The following EXOC6 variants were observed in gnomAD, a reference collection of about 807,000 sequenced individuals.
EXOC6 encodes SEC15-like 1.
In EXOC6, 60 loss-of-function variants were observed where a neutral mutation model predicts 112.5. The ratio of observed to expected loss-of-function variants is 0.53; its 90% CI spans 0.43 to 0.66. The LOEUF is 0.66. Ranked by LOEUF, EXOC6 falls within the 30% of genes least tolerant of loss-of-function variation. The pLI is 0.00. For missense variants in EXOC6, 855 were observed against 957.1 expected, an observed-to-expected ratio of 0.89 and a Z score of 1.41; for synonymous variants, 295 against 308.0, an observed-to-expected ratio of 0.96 and a Z score of 0.44.
chr10:92,943,676 A>G (rs546062115), intron 13 of EXOC6, among the ~76,000 whole-genome samples: 11 of 152,044 alleles, frequency 7.2e-5, no homozygotes, highest in Non-Finnish European at 1.6e-4. Flanking sequence ...TGATTAAATC[A>G]AGCAAATTAA....
At chr10:92,874,889 A>G (rs1422215599) in intron 1 of EXOC6, among the ~76,000 whole-genome samples, 2 of 152,168 alleles carry the variant, frequency 1.3e-5, no homozygotes, top group African/African-American at 4.8e-5. Context: ...TGTTAGGCAC[A>G]TACCTGACTA....
chr10:93,035,224 C>A (rs1206781074), intron 20 of EXOC6, among the ~76,000 whole-genome samples: 1 of 152,080 alleles, frequency 6.6e-6, no homozygotes, highest in Non-Finnish European at 1.5e-5. Context: ...TGTCATAATT[C>A]CGGAAGTTTA....
At chr10:92,918,704 GT>G (rs1218630157) in intron 7 of EXOC6, among the ~76,000 whole-genome samples, 3 of 152,248 alleles carry the variant, frequency 2.0e-5, no homozygotes, top group Non-Finnish European at 2.9e-5. Context: ...GATTGTAGGC[GT>G]GAGCCACCAC....
intron 1 of EXOC6, among the ~76,000 whole-genome samples, chr10:92,852,795 G>A (rs908992739): frequency 2.0e-5 from 3 of 152,118 alleles, no homozygotes; most frequent in Admixed American, 2.0e-4. Flanking sequence ...TGAAAATCTA[G>A]AGCTAAATTG....
intron 1 of EXOC6, among the ~76,000 whole-genome samples, chr10:92,863,071 T>C (rs144603010): frequency 6.6e-6 from 1 of 152,336 alleles, no homozygotes; most frequent in African/African-American, 2.4e-5. Flanking sequence ...AAACTATCTG[T>C]AGATGATGGA....
chr10:92,840,411 T>C (rs990985411), intron 1 of EXOC6, among the ~76,000 whole-genome samples: 5 of 152,178 alleles, frequency 3.3e-5, no homozygotes, highest in African/African-American at 1.2e-4. Flanking sequence ...ATAATTAGTG[T>C]CTATAGGGTG....
At chr10:92,977,484 A>G (rs1351401506) in intron 18 of EXOC6, among the ~76,000 whole-genome samples, 1 of 152,172 alleles carries the variant, frequency 6.6e-6, no homozygotes, top group African/African-American at 2.4e-5. Context: ...TGTATTCCCA[A>G]CTGCTGTCTT....
chr10:92,883,781 A>G (rs1849075605), intron 1 of EXOC6, among the ~76,000 whole-genome samples: 3 of 152,338 alleles, frequency 2.0e-5, no homozygotes, highest in Middle Eastern at 3.4e-3. Flanking sequence ...AAAATAGGTT[A>G]GTGTTTGAAA....
At chr10:92,916,424 T>A (rs780112873) in intron 7 of EXOC6, among the ~76,000 whole-genome samples, 16 of 152,126 alleles carry the variant, frequency 1.1e-4, no homozygotes, top group Non-Finnish European at 2.1e-4. Context: ...ACATGAGAAT[T>A]GCTTGAACCC....
chr10:93,020,270 C>T (rs1844724432), intron 20 of EXOC6, among the ~76,000 whole-genome samples: 1 of 151,996 alleles, frequency 6.6e-6, no homozygotes, highest in Non-Finnish European at 1.5e-5. Flanking sequence ...TTTCTTAAAG[C>T]CCTAAAGCTA....
In EXOC6 at chr10:92,974,097, T is replaced by C; in HGVS notation, c.1818T>C (p.Asn606=). 1 of 1,603,606 alleles carries C rather than the reference T, an allele frequency of 6.2e-7. No homozygotes were observed. Among genetic ancestry groups the C allele is most frequent in the Admixed American group, 1.8e-5 (1 of 56,626 alleles). Residue 606 remains asparagine (N), a synonymous_variant, in exon 18 of 22, where the codon AAT becomes AAC. Transcript: ENST00000260762. ...AAGGAGAAATATATACCAAACTGAA[T>C]CAAAAAATTGATGAATTTGTTCAGC... The part of the protein sequence containing the change: ...AAEGEIYTKL[N]QKIDEFVQLA...
chr10:92,893,366 A>G lies in EXOC6; in HGVS notation c.119A>G (p.Gln40Arg). Reference sequence around the variant, plus strand: ...ACATTCAGGTCTGTGTATGATGACCAACCAAATGCGCACAAGAAGTTTATG... The same window carrying G: ...ACATTCAGGTCTGTGTATGATGACCGACCAAATGCGCACAAGAAGTTTATG... ...GPTLRSVYDD[Q>R]PNAHKKFMEK... Residue 40 changes from glutamine to arginine, a missense_variant, in exon 2 of 22, where the codon CAA becomes CGA. By Grantham distance (43) the Gln-to-Arg change is conservative. Transcript: ENST00000260762. 1 of 1,611,222 alleles carries G rather than the reference A, an allele frequency of 6.2e-7. No individual in the cohort carries two copies. The highest frequency in any genetic ancestry group is 8.5e-7 in the Non-Finnish European group (1 of 1,178,584).
At chr10:92,896,810 C>A (rs1849853934) in intron 4 of EXOC6, among the ~76,000 whole-genome samples, 1 of 152,138 alleles carries the variant, frequency 6.6e-6, no homozygotes, top group Non-Finnish European at 1.5e-5. Flanking sequence ...TCCACCCCAG[C>A]TTCCTAAAGT....
chr10:92,891,272 G>A (rs1334593770), intron 1 of EXOC6, among the ~76,000 whole-genome samples: 2 of 152,090 alleles, frequency 1.3e-5, no homozygotes, highest in Non-Finnish European at 2.9e-5. Context: ...AGAGGTCAGG[G>A]CAGAGATAAA....
intron 1 of EXOC6, among the ~76,000 whole-genome samples, chr10:92,881,228 C>T (rs923620896): frequency 6.6e-6 from 1 of 152,102 alleles, no homozygotes; most frequent in Non-Finnish European, 1.5e-5. Context: ...ATGGCTTTCT[C>T]CAGACTAAGT....
Position 93,058,408 on chromosome 10 carries a change from T to C in EXOC6, c.*53T>C. ...CCAAATCCATGATTCAATGTTGATC[T>C]TGAGCAAGTATTGGTCATGATACAG... On this transcript the variant is annotated 3_prime_UTR_variant, in exon 22 of 22. Coordinates refer to ENST00000260762, the MANE Select transcript of EXOC6 (RefSeq NM_019053.6). 6.7e-7 allele frequency: 1 copy of C among 1,499,400 alleles called. No homozygotes were observed. The highest frequency in any genetic ancestry group is 8.9e-7 in the Non-Finnish European group (1 of 1,119,946). 92.9% of individuals were successfully genotyped at this position (1,499,400 alleles called of 1,614,324 possible).
At chr10:92,945,989 A>C (rs1341209507) in intron 13 of EXOC6, among the ~76,000 whole-genome samples, 1 of 151,848 alleles carries the variant, frequency 6.6e-6, no homozygotes, top group East Asian at 1.9e-4. Flanking sequence ...TCAGGAGGCT[A>C]AGGTGTAAGA....
Position 92,896,113 on chromosome 10 carries a change from A to G in EXOC6, c.412+1093A>G, listed in dbSNP as rs1178055399. ...TATATATGTGTGTATATATATGTGT[A>G]TATATATGTGTGTGTGTGTGTGTGT... On this transcript the variant is annotated intron_variant, in intron 4 of 21. Transcript: ENST00000260762. Among the ~76,000 whole-genome samples the G allele has an allele frequency of 1.8e-4, 6 of 33,126 alleles. No homozygotes were observed. The South Asian group carries it at 5.5e-3, about 30-fold the overall frequency. 21.7% of individuals were successfully genotyped at this position (33,126 alleles called of 152,430 possible).
chr10:92,959,019 G>A (rs1026888555), intron 17 of EXOC6, among the ~76,000 whole-genome samples: 5 of 151,996 alleles, frequency 3.3e-5, no homozygotes, highest in East Asian at 1.9e-4. Context: ...GCTTGAACCC[G>A]GGAGGTAGAG....
Sources: allele counts gnomAD v4.1 joint callset (sites outside exome capture counted in the v4.1 genomes callset), GRCh38; gene constraint gnomAD v4.1.1; transcripts MANE v1.5; gene names NCBI Gene and HGNC (gene_info 2026-07-23, HGNC 2026-07-21).